Variants in ALCAM observed in about 807,000 individuals in gnomAD.
The protein encoded by ALCAM is CD166 antigen.
A neutral mutation model predicts 70.9 loss-of-function variants in ALCAM; 30 were observed. That is an observed-to-expected ratio of 0.42 (90% CI 0.32 to 0.57). The LOEUF is 0.57. ALCAM is among the 20% of genes least tolerant of loss of function. The pLI is 0.11. For missense variants in ALCAM, 591 were observed against 695.1 expected (o/e 0.85, Z 1.68); for synonymous variants, 249 against 242.5 (o/e 1.03, Z -0.25).
At chr3:105,436,758 A>C (rs943511909) in intron 1 of ALCAM, among the ~76,000 whole-genome samples, 1 of 152,202 alleles carries the variant, frequency 6.6e-6, no homozygotes, top group African/African-American at 2.4e-5. Context: ...AAGCATGTGC[A>C]CATCTCTTGA....
intron 1 of ALCAM, among the ~76,000 whole-genome samples, chr3:105,371,455 C>G (rs930954775): frequency 6.6e-6 from 1 of 151,084 alleles, no homozygotes; most frequent in Admixed American, 6.6e-5. Flanking sequence ...GAATAACATT[C>G]TTTAATTTAT....
At chr3:105,369,790 C>T (rs1326515776) in intron 1 of ALCAM, among the ~76,000 whole-genome samples, 1 of 152,018 alleles carries the variant, frequency 6.6e-6, no homozygotes, top group Non-Finnish European at 1.5e-5. Context: ...GGCTTGTAGT[C>T]GCTACAAAGT....
At chr3:105,392,443 C>CT (rs941462818) in intron 1 of ALCAM, among the ~76,000 whole-genome samples, 1 of 151,054 alleles carries the variant, frequency 6.6e-6, no homozygotes, top group Non-Finnish European at 1.5e-5. Context: ...TTTATTATGT[C>CT]TGTTTGATTG....
At chr3:105,489,278 C>T (rs1186775070) in intron 1 of ALCAM, among the ~76,000 whole-genome samples, 2 of 152,012 alleles carry the variant, frequency 1.3e-5, no homozygotes, top group Non-Finnish European at 2.9e-5. Flanking sequence ...GGTGCGGTGC[C>T]GAGATTTTTA....
chr3:105,559,349 C>T (rs1576241749), intron 14 of ALCAM, among the ~76,000 whole-genome samples: 1 of 147,800 alleles, frequency 6.8e-6, no homozygotes, highest in African/African-American at 2.5e-5. Context: ...AACAAAATAC[C>T]ATAAACGGGG....
intron 2 of ALCAM, among the ~76,000 whole-genome samples, chr3:105,521,261 A>G (rs1279228837): frequency 7.5e-6 from 1 of 132,862 alleles, no homozygotes; most frequent in Non-Finnish European, 1.5e-5. Flanking sequence ...AGATTGCGCC[A>G]CTGCAGTCCG....
At chr3:105,507,579 G>A (rs1271896590) in intron 1 of ALCAM, among the ~76,000 whole-genome samples, 2 of 151,712 alleles carry the variant, frequency 1.3e-5, no homozygotes, top group Admixed American at 6.6e-5. Flanking sequence ...AGGTCCCTTC[G>A]TGTTTTTTTC....
chr3:105,524,304 T>C lies in ALCAM; in HGVS notation c.190T>C (p.Ser64Pro), dbSNP rs750432365. ...GKWKYEKPDG[S>P]PVFIAFRSST... ...TAATTTTTAGGAAAAGCCCGATGGCTCCCCAGTATTTATTGCCTTCAGATC... is the reference window on the plus strand; with the variant it reads ...TAATTTTTAGGAAAAGCCCGATGGCCCCCCAGTATTTATTGCCTTCAGATC... Residue 64 changes from serine to proline, a missense_variant, in exon 3 of 16, where the codon TCC becomes CCC. Ser to Pro is a moderately conservative substitution (Grantham distance 74). This residue lies in a region of ALCAM where 427 missense variants were observed against 450.4 expected (regional missense o/e 0.95). Transcript: ENST00000306107. The C allele has an allele frequency of 3.1e-6, 5 of 1,613,462 alleles. No individual in the cohort carries two copies. The highest frequency in any genetic ancestry group is 4.2e-6 in the Non-Finnish European group (5 of 1,179,716).
At chr3:105,484,906 T>C (rs1938381444) in intron 1 of ALCAM, among the ~76,000 whole-genome samples, 1 of 152,102 alleles carries the variant, frequency 6.6e-6, no homozygotes. Context: ...TACTTTTCAC[T>C]GAGCCCATAG....
At chr3:105,519,836 T>G (rs1939483287) in intron 1 of ALCAM, among the ~76,000 whole-genome samples, 1 of 152,164 alleles carries the variant, frequency 6.6e-6, no homozygotes, top group Non-Finnish European at 1.5e-5. Context: ...AAATTTTGAT[T>G]GTGTGATAGT....
At chr3:105,530,323 A>G (rs1289264155) in intron 3 of ALCAM, among the ~76,000 whole-genome samples, 1 of 152,092 alleles carries the variant, frequency 6.6e-6, no homozygotes, top group Non-Finnish European at 1.5e-5. Context: ...ATGAACATTA[A>G]TAACATTCTA....
At chr3:105,372,559 A>T (rs555157919) in intron 1 of ALCAM, among the ~76,000 whole-genome samples, 2 of 152,226 alleles carry the variant, frequency 1.3e-5, no homozygotes, top group African/African-American at 4.8e-5. Flanking sequence ...TTGAAGGGGA[A>T]ATCAGAGTTG....
chr3:105,502,200 T>C (rs2152616461), intron 1 of ALCAM, among the ~76,000 whole-genome samples: 1 of 152,284 alleles, frequency 6.6e-6, no homozygotes, highest in Middle Eastern at 3.4e-3. Context: ...TATGCATAAA[T>C]AAACTGAAGC....
In ALCAM at chr3:105,524,321, C is replaced by T. The variant is rs779082795; in HGVS notation, c.207C>T (p.Ala69=). The change falls in exon 3 of 16, where the codon GCC becomes GCT. Residue 69 remains alanine (A), a synonymous_variant. Transcript: ENST00000306107. ...EKPDGSPVFI[A]FRSSTKKSVQ... The stretch of plus-strand genomic sequence containing the variant: ...CCGATGGCTCCCCAGTATTTATTGC[C>T]TTCAGATCCTCTACAAAGAAAAGTG... The T allele has an allele frequency of 1.9e-6, 3 of 1,613,858 alleles. No homozygotes were observed. The highest frequency in any genetic ancestry group is 2.5e-6 in the Non-Finnish European group (3 of 1,179,942).
At position 105,502,514 on chromosome 3, in the gene ALCAM, A is replaced by T. The variant is rs141653637; in HGVS notation, c.74-17553A>T. 1.7e-3 allele frequency among the ~76,000 whole-genome samples: 265 copies of T among 152,308 alleles called. 2 individuals are homozygous for T. Among genetic ancestry groups the T allele is most frequent in the African/African-American group, 6.2e-3 (257 of 41,562 alleles). ...AAGCAAATGAATGGTGAATAGGAGA[A>T]AGGCCATCAGCCAGGCAGCTGCAGG... On this transcript the variant is annotated intron_variant, in intron 1 of 15. Coordinates refer to ENST00000306107, the MANE Select transcript of ALCAM (RefSeq NM_001627.4).
intron 1 of ALCAM, among the ~76,000 whole-genome samples, chr3:105,408,524 C>T (rs1274226248): frequency 3.3e-5 from 5 of 151,874 alleles, no homozygotes; most frequent in South Asian, 4.1e-4. Context: ...ACTGGATTCT[C>T]CTCTTACCTT....
intron 1 of ALCAM, among the ~76,000 whole-genome samples, chr3:105,407,903 A>G (rs954714763): frequency 6.6e-6 from 1 of 152,160 alleles, no homozygotes; most frequent in Non-Finnish European, 1.5e-5. Context: ...TAGCTCTGCT[A>G]TATACTAACA....
intron 1 of ALCAM, among the ~76,000 whole-genome samples, chr3:105,461,400 C>T (rs1937603530): frequency 6.6e-6 from 1 of 151,796 alleles, no homozygotes; most frequent in South Asian, 2.1e-4. Context: ...TTTGAGACCT[C>T]TGAATTAAAG....
intron 1 of ALCAM, among the ~76,000 whole-genome samples, chr3:105,508,652 T>C (rs1939146734): frequency 6.6e-6 from 1 of 152,172 alleles, no homozygotes; most frequent in African/African-American, 2.4e-5. Context: ...TTGATATACA[T>C]ATGCCTTGTG....
Sources: allele counts gnomAD v4.1 joint callset (sites outside exome capture counted in the v4.1 genomes callset), GRCh38; gene constraint gnomAD v4.1.1; regional missense constraint gnomAD v4.1.1; transcripts MANE v1.5; gene names NCBI Gene and HGNC (gene_info 2026-07-23, HGNC 2026-07-21).